Variants in XRRA1 observed in about 807,000 individuals in gnomAD.
The protein encoded by XRRA1 is X-ray radiation resistance-associated protein 1.
XRRA1 carries 69 observed loss-of-function variants against 80.2 expected under a neutral mutation model. The observed-to-expected ratio is 0.86, with a 90% CI of 0.71 to 1.05. The LOEUF (loss-of-function observed/expected upper bound fraction) is 1.05. XRRA1 is among the 50% of genes least tolerant of loss of function. The probability of loss-of-function intolerance (pLI) is 0.00; values close to 1 mark genes in which losing one functional copy is unlikely to be tolerated. For missense variants in XRRA1, 967 were observed against 976.4 expected, an observed-to-expected ratio of 0.99 and a Z score of 0.13; for synonymous variants, 348 against 389.9, an observed-to-expected ratio of 0.89 and a Z score of 1.27.
At chr11:74,939,457 C>T (rs1174794729) in intron 3 of XRRA1, among the ~76,000 whole-genome samples, 6 of 152,142 alleles carry the variant, frequency 3.9e-5, no homozygotes, top group East Asian at 1.9e-4. Context: ...AACCCAATTC[C>T]GCCATTATTT....
At chr11:74,934,001 T>C (rs1054846286) in intron 4 of XRRA1, 129 bp from the exon 5 acceptor site, 1 of 754,558 alleles carries the variant, frequency 1.3e-6, no homozygotes, top group Admixed American at 2.5e-5. Flanking sequence ...ATTCATTCAT[T>C]CATTCATTCA....
At chr11:74,923,435 G>C (rs1345225687) in intron 7 of XRRA1, among the ~76,000 whole-genome samples, 1 of 152,196 alleles carries the variant, frequency 6.6e-6, no homozygotes, top group Non-Finnish European at 1.5e-5. Flanking sequence ...GACCTGGAAA[G>C]GTGCCTGAGA....
In XRRA1 at chr11:74,856,119, G is replaced by T. The variant is rs1183631289; in HGVS notation, c.1170+3039C>A. ...TGCACTCCGGCCTGGGCTACAGAGC[G>T]AAACTCCATCTGAACAACAACAACA... is the stretch of plus-strand genomic sequence containing the variant. On this transcript the variant is annotated intron_variant, in intron 12 of 18. Coordinates refer to ENST00000684022, the MANE Select transcript of XRRA1 (RefSeq NM_001378157.1). Among the ~76,000 whole-genome samples, 3 of 152,272 alleles carry T rather than the reference G, an allele frequency of 2.0e-5. No individual in the cohort carries two copies. In the South Asian group the frequency reaches 6.2e-4, roughly 32 times the overall value.
intron 7 of XRRA1, among the ~76,000 whole-genome samples, chr11:74,924,371 G>C (rs1467274728): frequency 5.9e-5 from 9 of 151,446 alleles, no homozygotes; most frequent in African/African-American, 2.2e-4. Flanking sequence ...CTACACGGGA[G>C]GCTGAGGCAG....
chr11:74,882,010 ATCTTTGTGGCGT>A (rs1180975757), intron 10 of XRRA1, among the ~76,000 whole-genome samples: 5 of 144,678 alleles, frequency 3.5e-5, no homozygotes, highest in Non-Finnish European at 7.6e-5. Flanking sequence ...CTCAAGGAGT[ATCTTTGTGGCGT>A]TCTCTGTATT....
rs541981003 is a variant in XRRA1 at position 74,890,669 on chromosome 11, G to C, written c.1003+15570C>G. On this transcript the variant is annotated intron_variant, in intron 10 of 18. Transcript: ENST00000684022. ...ATAGACCGCTAGCAAGACTAATAAA[G>C]AAGAAAAGAGAGAAGAATCAAATAG... is the stretch of plus-strand genomic sequence containing the variant. Among the ~76,000 whole-genome samples, 3 of 145,958 alleles carry C rather than the reference G, an allele frequency of 2.1e-5. No homozygotes were observed. In the South Asian group the frequency reaches 6.2e-4, roughly 30 times the overall value.
rs199499824 is a variant in XRRA1 at position 74,845,079 on chromosome 11, G to C, written c.1921C>G (p.Pro641Ala). 1.1e-4 allele frequency: 173 copies of C among 1,613,346 alleles called. No individual in the cohort carries two copies. In the African/African-American group the frequency reaches 2.2e-3, roughly 20 times the overall value. Residue 641 changes from proline to alanine, a missense_variant, in exon 16 of 19, where the codon CCA (proline) becomes GCA (alanine). Pro to Ala is a conservative substitution (Grantham distance 27). Transcript: ENST00000684022. ...AGGATATGCCCTCACATACCCTTTGGCTCAATGAAGGCTGGATCAGGCTTG... is the reference window on the plus strand; with the variant it reads ...AGGATATGCCCTCACATACCCTTTGCCTCAATGAAGGCTGGATCAGGCTTG... ...TAKPDPAFIEPKGIQKNAQAL... is the reference protein window; with the variant it reads ...TAKPDPAFIEAKGIQKNAQAL...
chr11:74,859,627 G>T (rs1286425919), intron 11 of XRRA1, among the ~76,000 whole-genome samples: 1 of 151,946 alleles, frequency 6.6e-6, no homozygotes, highest in Non-Finnish European at 1.5e-5. Flanking sequence ...ACCCTGAATT[G>T]GCCCTTCTAC....
chr11:74,890,665 TAAAGAA>T (rs530845512), intron 10 of XRRA1, among the ~76,000 whole-genome samples: 3,209 of 151,778 alleles, frequency 0.021, 103 homozygotes, highest in African/African-American at 0.074. Context: ...GCAAGACTAA[TAAAGAA>T]GAAAAGAGAG....
At chr11:74,911,617 A>G (rs2055908898) in intron 8 of XRRA1, among the ~76,000 whole-genome samples, 1 of 152,182 alleles carries the variant, frequency 6.6e-6, no homozygotes, top group South Asian at 2.1e-4. Context: ...ATGGTTGCCT[A>G]GGCTGGACTT....
intron 10 of XRRA1, among the ~76,000 whole-genome samples, chr11:74,887,637 A>C (rs1733479185): frequency 6.6e-6 from 1 of 152,244 alleles, no homozygotes; most frequent in East Asian, 1.9e-4. Flanking sequence ...TGCCTCACCC[A>C]GGTAGCGCAA....
chr11:74,851,619 G>A (rs2039878941), intron 13 of XRRA1, among the ~76,000 whole-genome samples: 1 of 152,172 alleles, frequency 6.6e-6, no homozygotes, highest in Non-Finnish European at 1.5e-5. Flanking sequence ...TGGGAATTGG[G>A]AAATGAGGTC....
intron 7 of XRRA1, among the ~76,000 whole-genome samples, chr11:74,924,165 GA>G (rs1941624548): frequency 1.4e-5 from 2 of 146,954 alleles, no homozygotes; most frequent in Admixed American, 1.4e-4. Context: ...TTAAATGGTT[GA>G]AAAAAATAAA....
intron 10 of XRRA1, among the ~76,000 whole-genome samples, chr11:74,881,659 G>C (rs1485844201): frequency 6.6e-6 from 1 of 152,110 alleles, no homozygotes; most frequent in African/African-American, 2.4e-5. Flanking sequence ...GGCAGGCCTG[G>C]TGGTGACAAA....
intron 10 of XRRA1, among the ~76,000 whole-genome samples, chr11:74,888,948 C>A (rs538521472): frequency 1.3e-5 from 2 of 152,090 alleles, no homozygotes; most frequent in Admixed American, 6.5e-5. Flanking sequence ...CTGAAAGTTA[C>A]GGGGAGAATG....
At chr11:74,897,920 G>A (rs1370062415) in intron 10 of XRRA1, among the ~76,000 whole-genome samples, 1 of 152,060 alleles carries the variant, frequency 6.6e-6, no homozygotes, top group African/African-American at 2.4e-5. Flanking sequence ...TCATCTGAAG[G>A]TCCAAAACTC....
At chr11:74,846,278 A>G (rs2038140301) in intron 15 of XRRA1, 1 of 152,254 alleles carries the variant, frequency 6.6e-6, no homozygotes, top group African/African-American at 2.4e-5. Context: ...TATATGACCT[A>G]TAACAAGCAA....
intron 10 of XRRA1, among the ~76,000 whole-genome samples, chr11:74,891,172 G>A (rs970176773): frequency 6.6e-5 from 10 of 152,216 alleles, no homozygotes; most frequent in South Asian, 2.1e-4. Context: ...CTGGCAAACC[G>A]AATCCAGCAG....
chr11:74,908,611 T>C (rs750422000), intron 8 of XRRA1, among the ~76,000 whole-genome samples: 3 of 152,226 alleles, frequency 2.0e-5, no homozygotes, highest in South Asian at 2.1e-4. Flanking sequence ...CTTTAACATA[T>C]ATTTATGTGG....
Sources: allele counts gnomAD v4.1 joint callset (sites outside exome capture counted in the v4.1 genomes callset), GRCh38; gene constraint gnomAD v4.1.1; transcripts MANE v1.5; gene names NCBI Gene and HGNC (gene_info 2026-07-23, HGNC 2026-07-21).